The following CDH22 variants were observed in gnomAD, a reference collection of about 807,000 sequenced individuals.
CDH22 encodes the protein cadherin-22.
A neutral mutation model predicts 58.4 loss-of-function variants in CDH22; 30 were observed. The observed-to-expected ratio is 0.51, with a 90% CI of 0.38 to 0.70. The LOEUF (loss-of-function observed/expected upper bound fraction) is 0.70. CDH22 is among the 30% of genes least tolerant of loss of function. The pLI, the probability that CDH22 is intolerant of heterozygous loss-of-function variation, is 0.00. For missense variants in CDH22, 1,014 were observed against 1,233.9 expected (o/e 0.82, Z 2.67); for synonymous variants, 513 against 558.2 (o/e 0.92, Z 1.14).
At chr20:46,274,899 A>G (rs112538456) in intron 1 of CDH22, among the ~76,000 whole-genome samples, 81 of 151,880 alleles carry the variant, frequency 5.3e-4, no homozygotes, top group African/African-American at 1.9e-3. Context: ...AGGCAACTCT[A>G]TAGAGACAGA....
At chr20:46,243,425 G>A (rs1018117853) in intron 2 of CDH22, among the ~76,000 whole-genome samples, 1 of 152,148 alleles carries the variant, frequency 6.6e-6, no homozygotes, top group Non-Finnish European at 1.5e-5. Flanking sequence ...AACTTTCCGG[G>A]TCCCCATCCT....
intron 1 of CDH22, among the ~76,000 whole-genome samples, chr20:46,292,709 A>T (rs1400447848): frequency 6.6e-6 from 1 of 152,030 alleles, no homozygotes; most frequent in Non-Finnish European, 1.5e-5. Context: ...TCTCATTGTG[A>T]TCTAAACCGT....
In CDH22 at chr20:46,186,571, A is replaced by G. The variant is rs752658562; in HGVS notation, c.1663+17T>C. 10 of 1,563,848 alleles carry G rather than the reference A, an allele frequency of 6.4e-6. No individual in the cohort carries two copies. Among genetic ancestry groups the G allele is most frequent in the Non-Finnish European group, 8.8e-6 (10 of 1,137,592 alleles). ...CTGTGCCCCTCCCTTCTTGCATCCT[A>G]GGGTTTGGAGGCTCACCTTGGATGT... On this transcript the variant is annotated intron_variant, in intron 10 of 11. Transcript: ENST00000537909.
chr20:46,252,171 C>T (rs1013788649), intron 1 of CDH22, among the ~76,000 whole-genome samples: 2 of 152,108 alleles, frequency 1.3e-5, no homozygotes, highest in African/African-American at 2.4e-5. Flanking sequence ...TGCCTGCCTT[C>T]CTATCCATCG....
At position 46,251,486 on chromosome 20, in the gene CDH22, G is replaced by T; in HGVS notation, c.-192C>A. 1 of 514,670 alleles carries T rather than the reference G, an allele frequency of 1.9e-6. No individual in the cohort carries two copies. The highest frequency in any genetic ancestry group is 3.0e-6 in the Non-Finnish European group (1 of 336,604). The allele number at this position is 514,670 out of a possible 1,614,324, so 31.9% of individuals were successfully genotyped here. ...GCCCAGCCGCGGGGGTACCCGGCTG[G>T]AGGGGGAGGGGGCGCGGCCGCATCC... On this transcript the variant is annotated 5_prime_UTR_variant, in exon 2 of 12. Coordinates refer to ENST00000537909, the MANE Select transcript of CDH22 (RefSeq NM_021248.3). This position sits in a 1 kb window ranked among gnomAD's most constrained non-coding sequence, Gnocchi z 6.7.
intron 4 of CDH22, among the ~76,000 whole-genome samples, chr20:46,223,821 C>T (rs58595905): frequency 0.19 from 653 of 3,402 alleles, 8 homozygotes; most frequent in Middle Eastern, 0.33. Flanking sequence ...TTCCTTTCTT[C>T]CTTCCTTCCT....
At chr20:46,269,865 C>T (rs962327751) in intron 1 of CDH22, among the ~76,000 whole-genome samples, 2 of 152,212 alleles carry the variant, frequency 1.3e-5, no homozygotes, top group African/African-American at 4.8e-5. Context: ...GTGACTTCTT[C>T]CTACTGGACT....
intron 1 of CDH22, among the ~76,000 whole-genome samples, chr20:46,253,106 C>T (rs372058605): frequency 1.3e-4 from 20 of 152,282 alleles, no homozygotes; most frequent in East Asian, 3.9e-4. Flanking sequence ...GCCAGATCTT[C>T]CTGAGAACAA....
At chr20:46,212,372 C>T (rs528124460) in intron 6 of CDH22, among the ~76,000 whole-genome samples, 38 of 152,184 alleles carry the variant, frequency 2.5e-4, no homozygotes, top group Non-Finnish European at 4.7e-4. Context: ...ATGGCCTTTG[C>T]AGCCCTGAGT....
intron 8 of CDH22, among the ~76,000 whole-genome samples, 190 bp from the exon 9 acceptor site, chr20:46,187,137 C>A (rs1055516836): frequency 1.3e-4 from 20 of 152,054 alleles, no homozygotes; most frequent in Non-Finnish European, 2.6e-4. Flanking sequence ...TAATCACCAC[C>A]ACCATTACCA....
chr20:46,200,128 C>A lies in CDH22; in HGVS notation c.1287-569G>T, dbSNP rs555206478. Among the ~76,000 whole-genome samples the A allele has an allele frequency of 5.9e-5, 9 of 152,184 alleles. No individual in the cohort carries two copies. In the South Asian group the frequency reaches 1.9e-3, roughly 32 times the overall value. On this transcript the variant is annotated intron_variant, in intron 7 of 11. Transcript: ENST00000537909. ...AGCTGGGACTACAGGTGCCCGCCAC[C>A]ACGCCCGGCTAATTTTTTGTATTTT... is the stretch of plus-strand genomic sequence containing the variant.
At chr20:46,274,346 C>T (rs1180738328) in intron 1 of CDH22, among the ~76,000 whole-genome samples, 1 of 152,176 alleles carries the variant, frequency 6.6e-6, no homozygotes, top group East Asian at 1.9e-4. Context: ...TCTTTGGTGC[C>T]AACCTGGACA....
At chr20:46,303,583 G>A (rs907513134) in intron 1 of CDH22, among the ~76,000 whole-genome samples, 3 of 152,222 alleles carry the variant, frequency 2.0e-5, no homozygotes, top group East Asian at 3.9e-4. Context: ...ATTTTAAACT[G>A]GATAATGAAT....
intron 1 of CDH22, among the ~76,000 whole-genome samples, chr20:46,254,621 C>T (rs991937908): frequency 8.7e-5 from 13 of 150,122 alleles, no homozygotes; most frequent in African/African-American, 3.2e-4. Context: ...GTGGGGGACA[C>T]AGATAATAGA....
At chr20:46,191,387 C>A (rs1250664376) in intron 8 of CDH22, among the ~76,000 whole-genome samples, 1 of 152,064 alleles carries the variant, frequency 6.6e-6, no homozygotes, top group African/African-American at 2.4e-5. Context: ...ACTAGAGTTA[C>A]TCATTTGACA....
At chr20:46,244,102 T>C (rs998507627) in intron 2 of CDH22, among the ~76,000 whole-genome samples, 4 of 152,160 alleles carry the variant, frequency 2.6e-5, no homozygotes, top group African/African-American at 9.7e-5. Context: ...ACCTAAGCAC[T>C]CTGTTAATGG....
chr20:46,297,138 T>C lies in CDH22; in HGVS notation c.-400+11117A>G, dbSNP rs1039119555. On this transcript the variant is annotated intron_variant, in intron 1 of 11. Coordinates refer to ENST00000537909, the MANE Select transcript of CDH22 (RefSeq NM_021248.3). ...GTGCCCCGCGGACATCAAGGGCTGG[T>C]ACCCTGGGACAGAGGGTGGCATGAG... Among the ~76,000 whole-genome samples, 4 of 152,102 alleles carry C rather than the reference T, an allele frequency of 2.6e-5. No homozygotes were observed. In the South Asian group the frequency reaches 8.3e-4, roughly 32 times the overall value.
At chr20:46,182,907 TGGA>T (rs2085799274) in intron 10 of CDH22, among the ~76,000 whole-genome samples, 1 of 152,180 alleles carries the variant, frequency 6.6e-6, no homozygotes. Flanking sequence ...GCTGAGGGAC[TGGA>T]GGAGGAGGAG....
chr20:46,243,200 G>C (rs1291370542), intron 2 of CDH22, among the ~76,000 whole-genome samples: 2 of 152,230 alleles, frequency 1.3e-5, no homozygotes, highest in African/African-American at 4.8e-5. Context: ...AGGGACGAAA[G>C]CCCATCCCCT....
Sources: gnomAD v4.1 joint callset for allele counts (sites outside exome capture counted in the v4.1 genomes callset) on GRCh38, gnomAD v4.1.1 for gene constraint, Gnocchi (gnomAD v3.1) non-coding constraint, MANE v1.5 for transcripts, NCBI Gene and HGNC (gene_info 2026-07-23, HGNC 2026-07-21) for gene names.